The following CUBN variants were observed in gnomAD, a reference collection of about 807,000 sequenced individuals.
CUBN encodes the protein 460 kDa receptor.
CUBN carries 282 observed loss-of-function variants against 405.3 expected under a neutral mutation model. The ratio of observed to expected loss-of-function variants is 0.70; its 90% CI spans 0.63 to 0.77. The LOEUF is 0.77. CUBN is among the 30% of genes least tolerant of loss of function. The pLI is 0.00. For synonymous variants in CUBN, 1,684 were observed against 1,617.0 expected (o/e 1.04, Z -0.99); for missense variants, 4,514 against 4,475.2 (o/e 1.01, Z -0.25).
At chr10:16,869,222 A>G (rs1451605993) in intron 59 of CUBN, among the ~76,000 whole-genome samples, 4 of 143,940 alleles carry the variant, frequency 2.8e-5, no homozygotes, top group South Asian at 2.2e-4. Context: ...CTAGAGTGCA[A>G]TGGTATGATT....
chr10:16,829,101 T>C (rs1028207687), intron 65 of CUBN, 61 bp from the exon 66 acceptor site: 73 of 1,246,718 alleles, frequency 5.9e-5, no homozygotes, highest in Non-Finnish European at 8.0e-5. Context: ...CAGTCTGGCT[T>C]GTTAGGCAAT....
rs757192279 is a variant in CUBN at position 16,915,947 on chromosome 10, A to T, written c.7084T>A (p.Phe2362Ile). The T allele has an allele frequency of 1.1e-5, 18 of 1,614,138 alleles. No homozygotes were observed. The East Asian group carries it at 3.6e-4, about 32-fold the overall frequency. The change falls in exon 46 of 67, where the codon TTC becomes ATC. Residue 2362 changes from phenylalanine to isoleucine, a missense_variant. Physicochemically the swap from Phe to Ile is conservative, Grantham distance 21. This residue lies in a region of CUBN where 1,613 missense variants were observed against 1,542.8 expected (regional missense o/e 1.05). Transcript: ENST00000377833. ...HPTLPYRDNLFCEWHLQGLSG... is the reference protein window; with the variant it reads ...HPTLPYRDNLICEWHLQGLSG... The stretch of plus-strand genomic sequence containing the variant: ...AGCCCCTGGAGATGCCACTCACAGA[A>T]TAAGTTGTCTCTGTATGGAAGTGTT...
At chr10:16,828,753 CATT>C in intron 66 of CUBN, 49 bp downstream of exon 66, 2 of 1,361,860 alleles carry the variant, frequency 1.5e-6, no homozygotes, top group South Asian at 2.3e-5. Context: ...CTAAGTGACT[CATT>C]ATTGTCTAAA....
intron 62 of CUBN, among the ~76,000 whole-genome samples, chr10:16,837,363 G>A (rs1334589469): frequency 2.0e-5 from 3 of 151,972 alleles, no homozygotes; most frequent in African/African-American, 4.8e-5. Context: ...TTCCATCCTC[G>A]TCTCAAAGCT....
chr10:16,995,327 G>A (rs1271466647), intron 28 of CUBN, among the ~76,000 whole-genome samples: 1 of 152,184 alleles, frequency 6.6e-6, no homozygotes, highest in Admixed American at 6.5e-5. Flanking sequence ...TCCTAAACTG[G>A]CTGTGATAGT....
chr10:16,914,785 T>C (rs1841835141), intron 47 of CUBN, among the ~76,000 whole-genome samples: 1 of 152,214 alleles, frequency 6.6e-6, no homozygotes, highest in Non-Finnish European at 1.5e-5. Flanking sequence ...TACAGGACTC[T>C]CTTAAGGTGG....
At chr10:17,011,397 G>A (rs1160127514) in intron 28 of CUBN, among the ~76,000 whole-genome samples, 1 of 152,160 alleles carries the variant, frequency 6.6e-6, no homozygotes, top group African/African-American at 2.4e-5. Context: ...CACCATGAGT[G>A]TTACGGCCCT....
intron 41 of CUBN, among the ~76,000 whole-genome samples, chr10:16,927,542 A>G (rs1044541173): frequency 1.3e-5 from 2 of 152,136 alleles, no homozygotes; most frequent in African/African-American, 2.4e-5. Flanking sequence ...ATGTTTTTTG[A>G]TCAAAACATG....
Position 17,065,618 on chromosome 10 carries a change from G to A in CUBN, c.3029C>T (p.Pro1010Leu), listed in dbSNP as rs982104111. The change falls in exon 22 of 67, where the codon CCG (proline) becomes CTG (leucine). Residue 1010 changes from proline (P) to leucine (L), a missense_variant. By Grantham distance (98) the Pro-to-Leu change is moderately conservative. Transcript: ENST00000377833. ...SLGRYCGKSI[P>L]PSLTSSGNSL... ...GTTACCACTGCTTGTGAGAGATGGCGGGATCGACTTTCCACAGTATCTATT... is the reference window on the plus strand; with the variant it reads ...GTTACCACTGCTTGTGAGAGATGGCAGGATCGACTTTCCACAGTATCTATT... 9 of 1,613,266 alleles carry A rather than the reference G, an allele frequency of 5.6e-6. No individual in the cohort carries two copies. Among genetic ancestry groups the A allele is most frequent in the African/African-American group, 2.7e-5 (2 of 74,846 alleles).
chr10:16,867,032 A>G (rs1424660603), intron 59 of CUBN, among the ~76,000 whole-genome samples: 3 of 152,220 alleles, frequency 2.0e-5, no homozygotes, highest in Non-Finnish European at 4.4e-5. Flanking sequence ...GATGTACATA[A>G]AACATTGCCA....
chr10:16,868,953 T>G (rs1409021592), intron 59 of CUBN, among the ~76,000 whole-genome samples: 1 of 152,142 alleles, frequency 6.6e-6, no homozygotes, highest in Non-Finnish European at 1.5e-5. Context: ...CATCCTCAAT[T>G]CATGTCCTCA....
chr10:17,105,055 C>A (rs897584573), intron 11 of CUBN, among the ~76,000 whole-genome samples: 1 of 151,858 alleles, frequency 6.6e-6, no homozygotes, highest in Non-Finnish European at 1.5e-5. Context: ...CCCGCCTCAC[C>A]CTCCCAAAGT....
chr10:17,023,122 G>A (rs1474823734), intron 27 of CUBN, among the ~76,000 whole-genome samples: 1 of 151,958 alleles, frequency 6.6e-6, no homozygotes, highest in Non-Finnish European at 1.5e-5. Context: ...CCTTCTGGAT[G>A]GGATTACGCA....
At chr10:17,075,830 G>A (rs1324839411) in intron 17 of CUBN, among the ~76,000 whole-genome samples, 1 of 152,134 alleles carries the variant, frequency 6.6e-6, no homozygotes, top group African/African-American at 2.4e-5. Flanking sequence ...TCTGAGGGAA[G>A]GGAAAAATTT....
At chr10:16,944,616 A>T (rs1200158896) in intron 36 of CUBN, among the ~76,000 whole-genome samples, 1 of 152,268 alleles carries the variant, frequency 6.6e-6, no homozygotes, top group Non-Finnish European at 1.5e-5. Context: ...ACTGCAAAAA[A>T]AGAGGCATCT....
At chr10:16,876,770 T>C in intron 57 of CUBN, 127 bp downstream of exon 57, 1 of 866,908 alleles carries the variant, frequency 1.2e-6, no homozygotes, top group South Asian at 1.4e-5. Flanking sequence ...TGAACCTCAC[T>C]GACAATCTTT....
At position 16,937,769 on chromosome 10, in the gene CUBN, T is replaced by C; in HGVS notation, c.5749A>G (p.Ser1917Gly). 1 of 1,614,022 alleles carries C rather than the reference T, an allele frequency of 6.2e-7. No individual in the cohort carries two copies. Residue 1917 changes from serine (S) to glycine (G), a missense_variant, in exon 39 of 67, where the codon AGC (serine) becomes GGC (glycine). This residue lies in a region of CUBN where 1,613 missense variants were observed against 1,542.8 expected (regional missense o/e 1.05). Transcript: ENST00000377833. ...YDKLRIYDGP[S>G]IHARLIGAYC... ...GCTCCAATTAGGCGGGCGTGAATGCTAGGCCCATCATAGATCTGTACATAA... is the reference window on the plus strand; with the variant it reads ...GCTCCAATTAGGCGGGCGTGAATGCCAGGCCCATCATAGATCTGTACATAA...
At chr10:16,996,921 A>T (rs1464374536) in intron 28 of CUBN, among the ~76,000 whole-genome samples, 1 of 152,256 alleles carries the variant, frequency 6.6e-6, no homozygotes, top group Non-Finnish European at 1.5e-5. Context: ...ATGCCTGGGA[A>T]ATCAACAGTT....
At chr10:17,126,641 G>T in intron 4 of CUBN, 120 bp downstream of exon 4, 1 of 1,135,050 alleles carries the variant, frequency 8.8e-7, no homozygotes, top group South Asian at 1.3e-5. Flanking sequence ...TAAATTATGG[G>T]AAAAAGCAAG....
Sources: gnomAD v4.1 joint callset for allele counts (sites outside exome capture counted in the v4.1 genomes callset) on GRCh38, gnomAD v4.1.1 for gene constraint, gnomAD v4.1.1 regional missense constraint, MANE v1.5 for transcripts, NCBI Gene and HGNC (gene_info 2026-07-23, HGNC 2026-07-21) for gene names.